Variants in LRBA observed in about 807,000 individuals in gnomAD.
The protein encoded by LRBA is lipopolysaccharide-responsive and beige-like anchor protein.
A neutral mutation model predicts 330.0 loss-of-function variants in LRBA; 176 were observed. That is an observed-to-expected ratio of 0.53 (90% CI 0.47 to 0.60). LRBA has a LOEUF of 0.60. LRBA is among the 20% of genes least tolerant of loss of function. The probability of loss-of-function intolerance (pLI) is 0.00; values close to 1 mark genes in which losing one functional copy is unlikely to be tolerated. For synonymous variants in LRBA, 1,230 were observed against 1,193.0 expected, an observed-to-expected ratio of 1.03 and a Z score of -0.64; for missense variants, 3,259 against 3,444.8, an observed-to-expected ratio of 0.95 and a Z score of 1.35.
chr4:150,700,096 A>C (rs760665466), intron 36 of LRBA, among the ~76,000 whole-genome samples: 16 of 152,268 alleles, frequency 1.1e-4, no homozygotes, highest in Non-Finnish European at 2.2e-4. Context: ...AAAAACCTGA[A>C]ATTTGAAACA....
intron 47 of LRBA, among the ~76,000 whole-genome samples, chr4:150,351,984 G>A (rs1737249788): frequency 6.6e-6 from 1 of 152,172 alleles, no homozygotes; most frequent in East Asian, 1.9e-4. Flanking sequence ...GTATCTGATT[G>A]TACTGTACTC....
intron 22 of LRBA, among the ~76,000 whole-genome samples, chr4:150,856,406 C>G (rs1036377166): frequency 6.6e-6 from 1 of 152,084 alleles, no homozygotes; most frequent in Non-Finnish European, 1.5e-5. Context: ...ATTTCTTCCT[C>G]TTTGTATTAT....
intron 2 of LRBA, among the ~76,000 whole-genome samples, chr4:150,969,284 T>C (rs960770043): frequency 2.0e-5 from 3 of 152,208 alleles, no homozygotes; most frequent in East Asian, 1.9e-4. Flanking sequence ...CTGCCATAGA[T>C]AGTGATTCCT....
intron 37 of LRBA, among the ~76,000 whole-genome samples, chr4:150,615,044 A>C (rs1775633019): frequency 6.6e-6 from 1 of 152,248 alleles, no homozygotes; most frequent in Admixed American, 6.5e-5. Context: ...CTTTGAGCAA[A>C]GACTTGAAGG....
At chr4:150,414,475 T>C (rs1405205534) in intron 47 of LRBA, among the ~76,000 whole-genome samples, 3 of 152,148 alleles carry the variant, frequency 2.0e-5, no homozygotes. Flanking sequence ...ATTCTACTTT[T>C]ATTTTTTAAA....
At chr4:150,364,473 C>CTTT (rs1288673394) in intron 47 of LRBA, among the ~76,000 whole-genome samples, 1 of 145,628 alleles carries the variant, frequency 6.9e-6, no homozygotes, top group Non-Finnish European at 1.5e-5. Flanking sequence ...TCTCTGACTC[C>CTTT]TAAAGCCATA....
rs769678230 is a variant in LRBA, at chr4:150,806,333, G to T, written c.5456C>A (p.Ala1819Glu). 1 of 1,608,844 alleles carries T rather than the reference G, an allele frequency of 6.2e-7. No homozygotes were observed. Among genetic ancestry groups the T allele is most frequent in the Admixed American group, 1.7e-5 (1 of 59,424 alleles). The change falls in exon 33 of 57, where the codon GCA becomes GAA. Residue 1819 changes from alanine to glutamate, a missense_variant. Transcript: ENST00000651943. The part of the protein sequence containing the change: ...PLLREIFVDF[A>E]PFLSRTLLGS... ...CAAAAGTGTCCGAGAAAGAAAAGGT[G>T]CAAAATCCACAAAAATCTCACGAAG...
rs957182813 is a variant in LRBA, at chr4:150,942,020, T to A, written c.217-12955A>T. 5.9e-5 allele frequency among the ~76,000 whole-genome samples: 9 copies of A among 152,232 alleles called. No homozygotes were observed. The South Asian group carries it at 1.9e-3, about 32-fold the overall frequency. ...TATAAAAGAAAAAGAGTAAGTTTAA[T>A]ATGATTTACAGTTAAGTGTAAATGT... On this transcript the variant is annotated intron_variant, in intron 2 of 56. Transcript: ENST00000651943.
At chr4:150,758,382 T>C (rs1312308797) in intron 35 of LRBA, among the ~76,000 whole-genome samples, 1 of 152,110 alleles carries the variant, frequency 6.6e-6, no homozygotes, top group South Asian at 2.1e-4. Flanking sequence ...AGGCCAAAAA[T>C]CTTAAGAGTG....
At position 150,445,168 on chromosome 4, in the gene LRBA, A is replaced by G. The variant is rs1035244541; in HGVS notation, c.6781-8304T>C. On this transcript the variant is annotated intron_variant, in intron 44 of 56. Coordinates refer to ENST00000651943, the MANE Select transcript of LRBA (RefSeq NM_001364905.1). ...AAGGCCATTAAAATCAAATAAATCT[A>G]TATGCTTTTAAGATAGGTCATTAGT... Among the ~76,000 whole-genome samples, 4 of 152,002 alleles carry G rather than the reference A, an allele frequency of 2.6e-5. No individual in the cohort carries two copies. In the East Asian group the frequency reaches 5.8e-4, roughly 22 times the overall value.
At position 151,015,229 on chromosome 4, in the gene LRBA, C is replaced by G. The variant is rs1386155348; in HGVS notation, c.-247G>C. ...AGATACTCCGGACTCGTCCTCACCC[C>G]CCGCCCAGGAGCAGCGAGACCGAGG... is the stretch of plus-strand genomic sequence containing the variant. On this transcript the variant is annotated 5_prime_UTR_variant, in exon 1 of 57. Coordinates refer to ENST00000651943, the MANE Select transcript of LRBA (RefSeq NM_001364905.1). 6.5e-6 allele frequency: 1 copy of G among 152,830 alleles called. No homozygotes were observed. Among genetic ancestry groups the G allele is most frequent in the Non-Finnish European group, 1.5e-5 (1 of 68,602 alleles). The allele number at this position is 152,830 out of a possible 1,614,324, so 9.5% of individuals were successfully genotyped here.
intron 47 of LRBA, among the ~76,000 whole-genome samples, chr4:150,357,944 G>T (rs1159442402): frequency 6.6e-6 from 1 of 151,924 alleles, no homozygotes; most frequent in Non-Finnish European, 1.5e-5. Flanking sequence ...CATAAAGAAA[G>T]AAACACGAAC....
intron 11 of LRBA, among the ~76,000 whole-genome samples, chr4:150,906,661 T>A (rs115967663): frequency 2.0e-4 from 31 of 152,258 alleles, no homozygotes; most frequent in African/African-American, 7.0e-4. Flanking sequence ...CAATGACAAA[T>A]GTTCATGATA....
At chr4:150,576,327 TGAGAAAAAG>T (rs1233633972) in intron 40 of LRBA, among the ~76,000 whole-genome samples, 1 of 151,800 alleles carries the variant, frequency 6.6e-6, no homozygotes. Context: ...ACATTTAAAA[TGAGAAAAAG>T]ATACACGATT....
intron 13 of LRBA, among the ~76,000 whole-genome samples, chr4:150,902,761 A>C (rs1730884610): frequency 6.6e-6 from 1 of 152,082 alleles, no homozygotes; most frequent in Non-Finnish European, 1.5e-5. Flanking sequence ...CCTTTGTTCA[A>C]GACACCAAGA....
intron 36 of LRBA, among the ~76,000 whole-genome samples, chr4:150,702,988 C>T (rs986496007): frequency 6.6e-6 from 1 of 152,138 alleles, no homozygotes; most frequent in African/African-American, 2.4e-5. Context: ...AGTGAAGCCC[C>T]CATCTCTACT....
chr4:150,839,757 G>A lies in LRBA; in HGVS notation c.4569+4343C>T, dbSNP rs144824435. ...TGTCATGGGGCGGGGTTAGGGGAGA[G>A]GGATAGCATTAGAAGATATACCTAA... On this transcript the variant is annotated intron_variant, in intron 28 of 56. Coordinates refer to ENST00000651943, the MANE Select transcript of LRBA (RefSeq NM_001364905.1). 7.8e-4 allele frequency among the ~76,000 whole-genome samples: 118 copies of A among 152,212 alleles called. 2 individuals carry two copies. The East Asian group carries it at 0.021, about 26-fold the overall frequency.
intron 37 of LRBA, among the ~76,000 whole-genome samples, chr4:150,639,360 TA>T (rs371245495): frequency 0.096 from 10,221 of 106,626 alleles, 1,286 homozygotes; most frequent in African/African-American, 0.35. Flanking sequence ...TAAAGTATAA[TA>T]AAAAAAAAAA....
intron 37 of LRBA, among the ~76,000 whole-genome samples, chr4:150,653,268 G>C (rs1402734080): frequency 6.6e-6 from 1 of 152,052 alleles, no homozygotes; most frequent in Non-Finnish European, 1.5e-5. Flanking sequence ...CAAAATATTA[G>C]GTTTTTGACA....
Sources: gnomAD v4.1 joint callset for allele counts (sites outside exome capture counted in the v4.1 genomes callset) on GRCh38, gnomAD v4.1.1 for gene constraint, MANE v1.5 for transcripts, NCBI Gene and HGNC (gene_info 2026-07-23, HGNC 2026-07-21) for gene names.